The following ACAD10 variants were observed in gnomAD, a reference collection of about 807,000 sequenced individuals.
The protein encoded by ACAD10 is ACAD-10.
ACAD10 carries 112 observed loss-of-function variants against 116.8 expected under a neutral mutation model. The ratio of observed to expected loss-of-function variants is 0.96; its 90% CI spans 0.82 to 1.12. ACAD10 has a LOEUF of 1.12. Ranked by LOEUF, ACAD10 falls within the 50% of genes most tolerant of loss-of-function variation. ACAD10 has a pLI of 0.00. For synonymous variants in ACAD10, 486 were observed against 510.6 expected, an observed-to-expected ratio of 0.95 and a Z score of 0.65; for missense variants, 1,259 against 1,350.2, an observed-to-expected ratio of 0.93 and a Z score of 1.06.
At chr12:111,714,914 C>T (rs2135960405) in intron 6 of ACAD10, among the ~76,000 whole-genome samples, 1 of 152,110 alleles carries the variant, frequency 6.6e-6, no homozygotes, top group East Asian at 2.0e-4. Flanking sequence ...CGGGGTTTCA[C>T]CACGTTGGTC....
chr12:111,746,074 T>C lies in ACAD10; in HGVS notation c.2116-70T>C. Reference sequence around the variant, plus strand: ...GCCTTGTTTCCTCCAATCCCTTTCATTGTTTTCCACGGTTCAAAATAAAAT... The same window carrying C: ...GCCTTGTTTCCTCCAATCCCTTTCACTGTTTTCCACGGTTCAAAATAAAAT... On this transcript the variant is annotated intron_variant, in intron 13 of 20. Transcript: ENST00000313698. 6 of 1,565,436 alleles carry C rather than the reference T, an allele frequency of 3.8e-6. No individual in the cohort carries two copies. The South Asian group carries it at 6.0e-5, about 16-fold the overall frequency.
intron 6 of ACAD10, among the ~76,000 whole-genome samples, chr12:111,713,936 C>G (rs1482933558): frequency 4.0e-5 from 6 of 150,118 alleles, no homozygotes; most frequent in East Asian, 2.0e-4. Flanking sequence ...CCGTCCCCCC[C>G]CCAAAAAAAA....
Position 111,729,723 on chromosome 12 carries a change from G to A in ACAD10, c.1244-83G>A, listed in dbSNP as rs561178159. On this transcript the variant is annotated intron_variant, in intron 9 of 20. Transcript: ENST00000313698. ...CCACCCAGTGCAGAGCATGACAAAG[G>A]GTTTCACTGCACTGGTTTTTTTTTC... 1.5e-3 allele frequency: 2,244 copies of A among 1,516,028 alleles called. 5 individuals carry two copies. The highest frequency in any genetic ancestry group is 2.0e-3 in the Non-Finnish European group (2,166 of 1,108,660). 93.9% of individuals were successfully genotyped at this position (1,516,028 alleles called of 1,614,324 possible). A position where few individuals can be genotyped will look rare whatever the true frequency, so the allele number is the denominator to read the frequency against.
At chr12:111,692,409 C>T (rs1472093289) in intron 1 of ACAD10, among the ~76,000 whole-genome samples, 1 of 152,188 alleles carries the variant, frequency 6.6e-6, no homozygotes, top group Non-Finnish European at 1.5e-5. Context: ...ATGAGATTTT[C>T]AGGAGAAAGA....
intron 12 of ACAD10, among the ~76,000 whole-genome samples, chr12:111,743,943 T>G (rs1889818393): frequency 6.6e-6 from 1 of 151,520 alleles, no homozygotes; most frequent in African/African-American, 2.4e-5. Flanking sequence ...GATGGGGGTT[T>G]CTCCATGTTG....
intron 7 of ACAD10, among the ~76,000 whole-genome samples, chr12:111,718,807 A>C (rs1375480905): frequency 3.3e-5 from 5 of 151,978 alleles, no homozygotes; most frequent in South Asian, 4.1e-4. Context: ...CAAGCATTTA[A>C]ATATATAACT....
chr12:111,755,521 G>A, intron 19 of ACAD10, 147 bp from the exon 20 acceptor site: 1 of 651,074 alleles, frequency 1.5e-6, no homozygotes, highest in South Asian at 1.7e-5. Context: ...TCTCACCTCA[G>A]CCTCCTGAGT....
At chr12:111,703,111 TA>T (rs1167060248) in intron 3 of ACAD10, among the ~76,000 whole-genome samples, 1 of 151,768 alleles carries the variant, frequency 6.6e-6, no homozygotes, top group Admixed American at 6.6e-5. Flanking sequence ...AATTCTTTAC[TA>T]AGTTCCTCCA....
chr12:111,736,137 T>G (rs1010020387), intron 11 of ACAD10, among the ~76,000 whole-genome samples: 12 of 150,192 alleles, frequency 8.0e-5, no homozygotes, highest in African/African-American at 2.9e-4. Flanking sequence ...CTCCTCGGCC[T>G]CCTAAAGTGC....
chr12:111,737,841 GGTGTGTGTGTGTGT>G (rs150399090), intron 12 of ACAD10, among the ~76,000 whole-genome samples: 1 of 146,396 alleles, frequency 6.8e-6, no homozygotes, highest in African/African-American at 2.5e-5. Context: ...CAAATTTCTT[GGTGTGTGTGTGTGT>G]GTGTGTGTGT....
Position 111,745,039 on chromosome 12 carries a change from T to C in ACAD10, c.2111T>C (p.Leu704Pro), listed in dbSNP as rs757432655. ...RWSPSPLIEDLKEKAKAEGLW... is the reference protein window; with the variant it reads ...RWSPSPLIEDPKEKAKAEGLW... ...AGCCCCTCCCCACTGATCGAAGACC[T>C]CAAGGTAAAGCAGCCATGGTGAGGT... is the stretch of plus-strand genomic sequence containing the variant. The change falls in exon 13 of 21, where the codon CTC becomes CCC. Residue 704 changes from leucine to proline, a missense_variant. Physicochemically the swap from Leu to Pro is moderately conservative, Grantham distance 98. Transcript: ENST00000313698. 1.9e-6 allele frequency: 3 copies of C among 1,611,484 alleles called. No homozygotes were observed. In the African/African-American group the frequency reaches 4.0e-5, roughly 22 times the overall value.
intron 2 of ACAD10, among the ~76,000 whole-genome samples, chr12:111,696,539 C>G (rs1888195146): frequency 6.6e-6 from 1 of 152,056 alleles, no homozygotes; most frequent in African/African-American, 2.4e-5. Context: ...ACATATTGTC[C>G]ATGACTGCTT....
intron 3 of ACAD10, among the ~76,000 whole-genome samples, chr12:111,704,005 G>T (rs1402369962): frequency 6.6e-6 from 1 of 151,712 alleles, no homozygotes; most frequent in Non-Finnish European, 1.5e-5. Context: ...AGACTGCATG[G>T]TGTATGATTC....
Position 111,756,673 on chromosome 12 carries a change from C to A in ACAD10, c.*200C>A. 1 of 916,224 alleles carries A rather than the reference C, an allele frequency of 1.1e-6. No homozygotes were observed. The highest frequency in any genetic ancestry group is 1.7e-6 in the Non-Finnish European group (1 of 584,618). 56.8% of individuals were successfully genotyped at this position (916,224 alleles called of 1,614,324 possible). On this transcript the variant is annotated 3_prime_UTR_variant, in exon 21 of 21. Coordinates refer to ENST00000313698, the MANE Select transcript of ACAD10 (RefSeq NM_025247.6). Reference sequence around the variant, plus strand: ...CAAGAAGCCTGGAGTCTGTTTCAGGCCAGGAGGAGGGGATTTGCTGAGGGC... The same window carrying A: ...CAAGAAGCCTGGAGTCTGTTTCAGGACAGGAGGAGGGGATTTGCTGAGGGC...
At chr12:111,756,257 A>G (rs2135998055) in intron 20 of ACAD10, 76 bp from the exon 21 acceptor site, 1 of 1,494,400 alleles carries the variant, frequency 6.7e-7, no homozygotes, top group Non-Finnish European at 8.8e-7. Context: ...GGCCATCAAG[A>G]GCAGGCTATC....
At chr12:111,709,951 G>C (rs1888623894) in intron 5 of ACAD10, 1 of 424,896 alleles carries the variant, frequency 2.4e-6, no homozygotes, top group African/African-American at 2.1e-5. Context: ...CTTTGTGGGG[G>C]TGTTCACACT....
chr12:111,691,850 G>C (rs887760750), intron 1 of ACAD10, among the ~76,000 whole-genome samples: 1 of 152,142 alleles, frequency 6.6e-6, no homozygotes, highest in South Asian at 2.1e-4. Flanking sequence ...GCCCATCTCA[G>C]CCTCCCTAAG....
At position 111,728,151 on chromosome 12, in the gene ACAD10, G is replaced by A; in HGVS notation, c.1243+8G>A. The A allele has an allele frequency of 6.3e-7, 1 of 1,590,176 alleles. No individual in the cohort carries two copies. The highest frequency in any genetic ancestry group is 8.6e-7 in the Non-Finnish European group (1 of 1,167,580). ...AAGACTATGGGAAGCAAGGTGAGCAGGAGGCCACGTCTCCCATGCTGGTTG... is the reference window on the plus strand; with the variant it reads ...AAGACTATGGGAAGCAAGGTGAGCAAGAGGCCACGTCTCCCATGCTGGTTG... On this transcript the variant is annotated splice_region_variant and intron_variant, in intron 9 of 20. Transcript: ENST00000313698.
At chr12:111,701,463 G>T (rs1888347310) in intron 2 of ACAD10, among the ~76,000 whole-genome samples, 1 of 152,160 alleles carries the variant, frequency 6.6e-6, no homozygotes, top group Non-Finnish European at 1.5e-5. Flanking sequence ...TCAGGAGTTT[G>T]AGATCAGCGT....
Sources: allele counts gnomAD v4.1 joint callset (sites outside exome capture counted in the v4.1 genomes callset), GRCh38; gene constraint gnomAD v4.1.1; transcripts MANE v1.5; gene names NCBI Gene and HGNC (gene_info 2026-07-23, HGNC 2026-07-21).